Variants in HYDIN observed in about 807,000 individuals in gnomAD.
The protein encoded by HYDIN is HYDIN axonemal central pair apparatus protein.
HYDIN carries 132 observed loss-of-function variants against 403.9 expected under a neutral mutation model. The ratio of observed to expected loss-of-function variants is 0.33; its 90% CI spans 0.28 to 0.38. The LOEUF (loss-of-function observed/expected upper bound fraction) is 0.38, where lower values mean the gene tolerates loss of function less well. Among genes scored for constraint, HYDIN ranks in the 10% least tolerant of loss-of-function variants. HYDIN has a pLI of 1.00. For missense variants in HYDIN, 2,827 were observed against 5,009.5 expected (o/e 0.56, Z 13.15); for synonymous variants, 1,202 against 1,891.7 (o/e 0.64, Z 9.46).
intron 1 of HYDIN, among the ~76,000 whole-genome samples, chr16:71,204,352 T>A (rs2144714567): frequency 6.6e-6 from 1 of 152,252 alleles, no homozygotes; most frequent in South Asian, 2.1e-4. Flanking sequence ...CATTGACACT[T>A]CCATGGCTCC....
At position 70,832,967 on chromosome 16, in the gene HYDIN, G is replaced by A. The variant is rs1439955792; in HGVS notation, c.13780C>T (p.His4594Tyr). ...GMEVSFEVTY[H>Y]PTEVGKESLC... ...CTCTCCTTTCCCACCTCGGTGGGAT[G>A]GTAGGTCACTTCAAAAGAAACCTCC... Residue 4594 changes from histidine to tyrosine, a missense_variant, in exon 80 of 86, where the codon CAT (histidine) becomes TAT (tyrosine). Coordinates refer to ENST00000393567, the MANE Select transcript of HYDIN (RefSeq NM_001270974.2). 3.1e-6 allele frequency: 5 copies of A among 1,614,074 alleles called. No individual in the cohort carries two copies. The African/African-American group carries it at 6.7e-5, about 22-fold the overall frequency.
intron 78 of HYDIN, among the ~76,000 whole-genome samples, chr16:70,834,954 A>ATATATACACACATATATGTGTG: frequency 1.4e-5 from 2 of 144,634 alleles, no homozygotes; most frequent in South Asian, 2.1e-4. Context: ...ATATATGTAT[A>ATATATACACACATATATGTGTG]TATATACACA....
At position 70,920,688 on chromosome 16, in the gene HYDIN, T is replaced by A. The variant is rs779465799; in HGVS notation, c.7688A>T (p.Asp2563Val). The A allele has an allele frequency of 2.5e-6, 4 of 1,611,034 alleles. No individual in the cohort carries two copies. Among genetic ancestry groups the A allele is most frequent in the Admixed American group, 3.4e-5 (2 of 59,544 alleles). The change falls in exon 46 of 86, where the codon GAC (aspartate) becomes GTC (valine). Residue 2563 changes from aspartate (D) to valine (V), a missense_variant. Asp to Val is a radical substitution (Grantham distance 152, BLOSUM62 -3). Coordinates refer to ENST00000393567, the MANE Select transcript of HYDIN (RefSeq NM_001270974.2). ...GATGTCTAGGAAGGGTACGCCCAGG[T>A]CCTTCTCCTTCTTCCCTTCGTGGTC... is the stretch of plus-strand genomic sequence containing the variant. ...EEDHEGKKEKDLGVPFLDIQT... is the reference protein window; with the variant it reads ...EEDHEGKKEKVLGVPFLDIQT...
intron 1 of HYDIN, among the ~76,000 whole-genome samples, chr16:71,213,066 T>C (rs1405608127): frequency 1.3e-5 from 2 of 152,146 alleles, no homozygotes; most frequent in Non-Finnish European, 2.9e-5. Flanking sequence ...CTGTCATCTT[T>C]TAATTCTAAA....
rs532840209 is a variant in HYDIN at position 70,821,916 on chromosome 16, T to C, written c.14428-3344A>G. On this transcript the variant is annotated intron_variant, in intron 83 of 85. Coordinates refer to ENST00000393567, the MANE Select transcript of HYDIN (RefSeq NM_001270974.2). ...CTGTTGAGACCTACTGCTCAGAAAA[T>C]AGATTTCTTTCAAAATATTACTTCT... 1.1e-3 allele frequency among the ~76,000 whole-genome samples: 172 copies of C among 152,206 alleles called. 1 individual carries two copies. The highest frequency in any genetic ancestry group is 4.0e-3 in the African/African-American group (165 of 41,514).
In HYDIN at chr16:70,908,845, G is replaced by C; in HGVS notation, c.8021C>G (p.Thr2674Ser). ...TNTTKAQEEQTSSSKGGKQKM... is the reference protein window; with the variant it reads ...TNTTKAQEEQSSSSKGGKQKM... Reference sequence around the variant, plus strand: ...CTGTTTGCCCCCCTTAGATGAGCTGGTCTGCTCCTCTTGAGCCTTAATTAA... The same window carrying C: ...CTGTTTGCCCCCCTTAGATGAGCTGCTCTGCTCCTCTTGAGCCTTAATTAA... Residue 2674 changes from threonine (T) to serine (S), a missense_variant, in exon 48 of 86, where the codon ACC becomes AGC. Transcript: ENST00000393567. 6.2e-7 allele frequency: 1 copy of C among 1,611,612 alleles called. No homozygotes were observed. Among genetic ancestry groups the C allele is most frequent in the Non-Finnish European group, 8.5e-7 (1 of 1,179,444 alleles).
intron 23 of HYDIN, among the ~76,000 whole-genome samples, chr16:71,011,833 C>A (rs1008867767): frequency 1.3e-5 from 2 of 151,278 alleles, no homozygotes; most frequent in African/African-American, 2.4e-5. Context: ...AGGCCTTCCA[C>A]CCTCCTCTTC....
chr16:71,027,938 C>A (rs565947897), intron 19 of HYDIN, 63 bp from the exon 20 acceptor site: 2 of 554,692 alleles, frequency 3.6e-6, no homozygotes, highest in Admixed American at 7.3e-5. Context: ...CAGCTCTACA[C>A]CCTTGGGATT....
At chr16:71,215,389 A>G (rs1208226370) in intron 1 of HYDIN, among the ~76,000 whole-genome samples, 3 of 152,196 alleles carry the variant, frequency 2.0e-5, no homozygotes, top group Non-Finnish European at 2.9e-5. Context: ...GAAAAATTCT[A>G]GCTGATGAAT....
At chr16:71,065,011 C>T (rs1386253234) in intron 15 of HYDIN, among the ~76,000 whole-genome samples, 171 bp from the exon 16 acceptor site, 2 of 152,194 alleles carry the variant, frequency 1.3e-5, no homozygotes, top group Non-Finnish European at 2.9e-5. Context: ...TCTCTTGGCC[C>T]CCAGTCACCA....
intron 47 of HYDIN, among the ~76,000 whole-genome samples, chr16:70,917,047 T>C (rs1269133662): frequency 6.6e-6 from 1 of 152,094 alleles, no homozygotes; most frequent in African/African-American, 2.4e-5. Context: ...CTCAGCCTCC[T>C]GAGTAGCTGG....
chr16:70,926,985 C>T (rs1272799533), intron 45 of HYDIN, among the ~76,000 whole-genome samples: 1 of 152,070 alleles, frequency 6.6e-6, no homozygotes, highest in African/African-American at 2.4e-5. Context: ...GCACAACGGA[C>T]ATATATTACT....
chr16:71,148,398 A>G (rs866687147), intron 7 of HYDIN, among the ~76,000 whole-genome samples: 14 of 152,230 alleles, frequency 9.2e-5, no homozygotes, highest in Non-Finnish European at 1.5e-4. Context: ...AGAAAGAATA[A>G]GAAATGAAGA....
intron 1 of HYDIN, among the ~76,000 whole-genome samples, chr16:71,189,536 G>A (rs1205419767): frequency 6.6e-6 from 1 of 152,116 alleles, no homozygotes; most frequent in Admixed American, 6.5e-5. Flanking sequence ...GGGAGGCCGA[G>A]GCAGGCGGAT....
At chr16:70,923,107 T>A (rs1451003407) in intron 45 of HYDIN, among the ~76,000 whole-genome samples, 2 of 150,394 alleles carry the variant, frequency 1.3e-5, no homozygotes, top group African/African-American at 2.4e-5. Flanking sequence ...GAAAAACGAT[T>A]GAAAATTAAT....
At chr16:71,226,540 T>C (rs997102050) in intron 1 of HYDIN, among the ~76,000 whole-genome samples, 1 of 152,154 alleles carries the variant, frequency 6.6e-6, no homozygotes, top group Non-Finnish European at 1.5e-5. Context: ...TTTTTAGATA[T>C]CACACAAAAC....
rs1170646619 is a variant in HYDIN at position 70,834,137 on chromosome 16, T to A, written c.13429A>T (p.Ile4477Phe). ...CAGACTTCTTTGGGCTTCAGTGTGA[T>A]GTTGTGGAAGGGCGCCAGGGTAAGG... ...KVLTLAPFHN[I>F]TLKPKEVCKL... Residue 4477 changes from isoleucine to phenylalanine, a missense_variant, in exon 79 of 86, where the codon ATC becomes TTC. Physicochemically the swap from Ile to Phe is conservative, Grantham distance 21. Transcript: ENST00000393567. 2.5e-6 allele frequency: 4 copies of A among 1,613,736 alleles called. No individual in the cohort carries two copies. The East Asian group carries it at 8.9e-5, about 36-fold the overall frequency.
chr16:70,978,380 C>G (rs1310786058), intron 30 of HYDIN, among the ~76,000 whole-genome samples: 2 of 149,584 alleles, frequency 1.3e-5, no homozygotes, highest in African/African-American at 2.4e-5. Context: ...CTTAAAAAAA[C>G]TGTAGAGATG....
chr16:71,212,961 C>T (rs1419662936), intron 1 of HYDIN, among the ~76,000 whole-genome samples: 1 of 151,988 alleles, frequency 6.6e-6, no homozygotes, highest in Non-Finnish European at 1.5e-5. Context: ...AAATAATCTC[C>T]AAATGAGACA....
Sources: gnomAD v4.1 joint callset for allele counts (sites outside exome capture counted in the v4.1 genomes callset) on GRCh38, gnomAD v4.1.1 for gene constraint, MANE v1.5 for transcripts, NCBI Gene and HGNC (gene_info 2026-07-23, HGNC 2026-07-21) for gene names.